The following AQR variants were observed in gnomAD, a reference collection of about 807,000 sequenced individuals.
The protein encoded by AQR is RNA helicase aquarius.
In AQR, 61 loss-of-function variants were observed where a neutral mutation model predicts 180.5. The observed-to-expected ratio is 0.34, with a 90% CI of 0.28 to 0.42. AQR has a LOEUF of 0.42. Ranked by LOEUF, AQR falls within the 10% of genes least tolerant of loss-of-function variation. The probability of loss-of-function intolerance (pLI) is 1.00; values close to 1 mark genes in which losing one functional copy is unlikely to be tolerated. For missense variants in AQR, 1,281 were observed against 1,798.3 expected, an observed-to-expected ratio of 0.71 and a Z score of 5.20; for synonymous variants, 551 against 588.8, an observed-to-expected ratio of 0.94 and a Z score of 0.93.
At chr15:34,942,184 T>A in intron 6 of AQR, 104 bp from the exon 7 acceptor site, 1 of 639,788 alleles carries the variant, frequency 1.6e-6, no homozygotes, top group Non-Finnish European at 2.5e-6. Flanking sequence ...AGGGAAAACA[T>A]GCCACAAATA....
At chr15:34,885,787 A>G (rs1249567872) in intron 25 of AQR, among the ~76,000 whole-genome samples, 2 of 152,294 alleles carry the variant, frequency 1.3e-5, no homozygotes, top group South Asian at 4.1e-4. Context: ...CTCATTTTGA[A>G]TGGACTTAAT....
rs1892586995 is a variant in AQR at position 34,856,470 on chromosome 15, T to C, written c.*322A>G. 2.5e-6 allele frequency: 1 copy of C among 402,406 alleles called. No homozygotes were observed. 24.9% of individuals were successfully genotyped at this position (402,406 alleles called of 1,614,324 possible). On this transcript the variant is annotated 3_prime_UTR_variant, in exon 35 of 35. Transcript: ENST00000156471. Reference sequence around the variant, plus strand: ...GTCCAGTATATTCTGTCCTCTTCTTTAGAGAAGTTCACTAAAAATGTGAAG... The same window carrying C: ...GTCCAGTATATTCTGTCCTCTTCTTCAGAGAAGTTCACTAAAAATGTGAAG...
chr15:34,946,481 G>C (rs1298428256), intron 5 of AQR, among the ~76,000 whole-genome samples: 2 of 142,574 alleles, frequency 1.4e-5, no homozygotes, highest in Admixed American at 1.4e-4. Flanking sequence ...GGAGGGAGGT[G>C]GGGGGGTCAG....
chr15:34,900,971 A>T (rs933592981), intron 19 of AQR, 108 bp from the exon 20 acceptor site: 1 of 1,419,852 alleles, frequency 7.0e-7, no homozygotes, highest in African/African-American at 1.4e-5. Context: ...CGAGTGTTTC[A>T]GAGCAAGAAG....
At chr15:34,916,395 C>T (rs1476970030) in intron 15 of AQR, among the ~76,000 whole-genome samples, 1 of 151,794 alleles carries the variant, frequency 6.6e-6, no homozygotes, top group African/African-American at 2.4e-5. Context: ...AATCCCAGAA[C>T]ACATTTTACT....
In AQR at chr15:34,870,870, A is replaced by G; in HGVS notation, c.3650T>C (p.Leu1217Pro). Residue 1217 changes from leucine (L) to proline (P), a missense_variant, in exon 31 of 35, where the codon CTT (leucine) becomes CCT (proline). This residue lies in a region of AQR where 197 missense variants were observed against 320.7 expected (regional missense o/e 0.61). Transcript: ENST00000156471. ...ACTGATTTTGTCAGCAGGGTAACCA[A>G]GTAAACACATGTACATAAAAAGTGC... is the stretch of plus-strand genomic sequence containing the variant. The part of the protein sequence containing the change: ...VVALFMYMCL[L>P]GYPADKISIL... The G allele has an allele frequency of 1.2e-6, 2 of 1,613,430 alleles. No homozygotes were observed. The highest frequency in any genetic ancestry group is 1.7e-6 in the Non-Finnish European group (2 of 1,179,642).
Position 34,888,523 on chromosome 15 carries a change from C to T in AQR, c.2681+1692G>A, listed in dbSNP as rs555040207. 4.0e-5 allele frequency among the ~76,000 whole-genome samples: 6 copies of T among 151,616 alleles called. No homozygotes were observed. In the South Asian group the frequency reaches 8.3e-4, roughly 21 times the overall value. ...CAGCCTGGGCAACATGGTGAAACCCCGTCTCTACTAAAATACAAAAAAAAT... is the reference window on the plus strand; with the variant it reads ...CAGCCTGGGCAACATGGTGAAACCCTGTCTCTACTAAAATACAAAAAAAAT... On this transcript the variant is annotated intron_variant, in intron 24 of 34. Coordinates refer to ENST00000156471, the MANE Select transcript of AQR (RefSeq NM_014691.3).
chr15:34,920,889 C>T (rs1238272248), intron 13 of AQR, among the ~76,000 whole-genome samples: 3 of 151,924 alleles, frequency 2.0e-5, no homozygotes, highest in Non-Finnish European at 4.4e-5. Flanking sequence ...ACCCGGGAGG[C>T]GGAGCTTGCA....
At chr15:34,923,115 C>A (rs1893706669) in intron 13 of AQR, among the ~76,000 whole-genome samples, 1 of 152,108 alleles carries the variant, frequency 6.6e-6, no homozygotes, top group Admixed American at 6.6e-5. Context: ...ATTCGCATAA[C>A]TTTTATTATA....
intron 15 of AQR, among the ~76,000 whole-genome samples, chr15:34,916,882 C>CA (rs71119988): frequency 0.062 from 4,916 of 79,168 alleles, 122 homozygotes; most frequent in South Asian, 0.11. Flanking sequence ...TTCAGCAGAA[C>CA]AAAAAAAAAA....
At chr15:34,891,162 A>G (rs1005206859) in intron 23 of AQR, among the ~76,000 whole-genome samples, 16 of 152,294 alleles carry the variant, frequency 1.1e-4, no homozygotes, top group African/African-American at 3.8e-4. Flanking sequence ...CTGAAACTGA[A>G]GAGATTTAAC....
At chr15:34,923,198 A>G (rs941700361) in intron 13 of AQR, among the ~76,000 whole-genome samples, 1 of 152,164 alleles carries the variant, frequency 6.6e-6, no homozygotes, top group Non-Finnish European at 1.5e-5. Context: ...TAGCTTTATC[A>G]TAGGTTTTTA....
In AQR at chr15:34,853,479, T is replaced by C. The variant is rs1892543508; in HGVS notation, c.*3313A>G. 6.6e-6 allele frequency: 1 copy of C among 152,218 alleles called. No homozygotes were observed. The highest frequency in any genetic ancestry group is 2.1e-4 in the South Asian group (1 of 4,832). The allele number at this position is 152,218 out of a possible 1,614,324, so 9.4% of individuals were successfully genotyped here. A position where few individuals can be genotyped will look rare whatever the true frequency, so the allele number is the denominator to read the frequency against. ...TGCTTATACTGTTCTGACAGAATTT[T>C]AATTTTGGCAGAGATCACTCTCGAT... On this transcript the variant is annotated 3_prime_UTR_variant, in exon 35 of 35. Coordinates refer to ENST00000156471, the MANE Select transcript of AQR (RefSeq NM_014691.3).
chr15:34,927,089 T>C lies in AQR; in HGVS notation c.1064A>G (p.Asn355Ser), dbSNP rs767183682. Residue 355 changes from asparagine to serine, a missense_variant, in exon 13 of 35, where the codon AAT (asparagine) becomes AGT (serine). Asn to Ser is a conservative substitution (Grantham distance 46, BLOSUM62 1). This residue lies in a region of AQR where 404 missense variants were observed against 490.9 expected (regional missense o/e 0.82). Coordinates refer to ENST00000156471, the MANE Select transcript of AQR (RefSeq NM_014691.3). ...CTCCCGAGTATCTACTTCTGCCACA[T>C]TTGAGAGGGCAAAATCATAGAGTTC... ...FPELYDFALS[N>S]VAEVDTRESL... 1 of 1,595,334 alleles carries C rather than the reference T, an allele frequency of 6.3e-7. No individual in the cohort carries two copies. The highest frequency in any genetic ancestry group is 1.3e-5 in the African/African-American group (1 of 74,436).
intron 1 of AQR, among the ~76,000 whole-genome samples, chr15:34,965,936 T>C (rs1443026338): frequency 1.3e-5 from 2 of 152,236 alleles, no homozygotes; most frequent in Non-Finnish European, 2.9e-5. Flanking sequence ...CTGTACTTGA[T>C]TAAAGATTAG....
In AQR at chr15:34,893,734, C is replaced by T; in HGVS notation, c.2500G>A (p.Val834Ile). The part of the protein sequence containing the change: ...PPGTGKTDVA[V>I]QIISNIYHNF... The stretch of plus-strand genomic sequence containing the variant: ...TGGTAGATGTTGGATATGATCTGAA[C>T]TGCCACATCTGTTTTGCCTGTACCA... Residue 834 changes from valine (V) to isoleucine (I), a missense_variant, in exon 23 of 35, where the codon GTT becomes ATT. Around this residue, in one of 9 missense-constraint regions of AQR, gnomAD observed 31 missense variants for 95.5 expected, o/e 0.32. Coordinates refer to ENST00000156471, the MANE Select transcript of AQR (RefSeq NM_014691.3). The T allele has an allele frequency of 6.2e-7, 1 of 1,613,956 alleles. No homozygotes were observed. Among genetic ancestry groups the T allele is most frequent in the Non-Finnish European group, 8.5e-7 (1 of 1,180,008 alleles).
intron 5 of AQR, among the ~76,000 whole-genome samples, chr15:34,947,081 G>A (rs1894139052): frequency 6.6e-6 from 1 of 152,210 alleles, no homozygotes; most frequent in South Asian, 2.1e-4. Context: ...GGGGAAAGGT[G>A]GGGAAAAGAT....
chr15:34,968,023 G>A (rs997016607), intron 1 of AQR, among the ~76,000 whole-genome samples: 3 of 152,018 alleles, frequency 2.0e-5, no homozygotes, highest in African/African-American at 7.2e-5. Flanking sequence ...ATGTTGGTCA[G>A]GCTGGTCTCG....
Position 34,886,569 on chromosome 15 carries a change from G to A in AQR, c.2774C>T (p.Ala925Val), listed in dbSNP as rs749756143. 3 of 1,613,490 alleles carry A rather than the reference G, an allele frequency of 1.9e-6. No homozygotes were observed. The highest frequency in any genetic ancestry group is 2.2e-5 in the South Asian group (2 of 90,982). The change falls in exon 25 of 35, where the codon GCC becomes GTC. Residue 925 changes from alanine to valine, a missense_variant. Physicochemically the swap from Ala to Val is moderately conservative, Grantham distance 64. Around this residue, in one of 9 missense-constraint regions of AQR, gnomAD observed 125 missense variants for 185.0 expected, o/e 0.68. Transcript: ENST00000156471. The part of the protein sequence containing the change: ...LQKSLGVPGD[A>V]SYTCETAGYF... ...GCCTGCAGTTTCACAGGTATATGAG[G>A]CATCTCCTGGAACCCCTAGACTCTT...
Sources: gnomAD v4.1 joint callset for allele counts (sites outside exome capture counted in the v4.1 genomes callset) on GRCh38, gnomAD v4.1.1 for gene constraint, gnomAD v4.1.1 regional missense constraint, MANE v1.5 for transcripts, NCBI Gene and HGNC (gene_info 2026-07-23, HGNC 2026-07-21) for gene names.